SEC11C: variants seen among roughly 807,000 people sequenced by gnomAD.
The protein encoded by SEC11C is SEC11 homolog C, signal peptidase complex subunit.
Under a neutral mutation model 21.9 loss-of-function variants are expected in SEC11C, and 10 were observed. The observed-to-expected ratio is 0.46, with a 90% CI of 0.28 to 0.77. The LOEUF is 0.77. Ranked by LOEUF, SEC11C falls within the 30% of genes least tolerant of loss-of-function variation. The pLI is 0.12. For synonymous variants in SEC11C, 83 were observed against 85.6 expected (o/e 0.97, Z 0.17); for missense variants, 145 against 244.5 (o/e 0.59, Z 2.71).
chr18:59,145,186 T>C (rs945769014), intron 1 of SEC11C, among the ~76,000 whole-genome samples: 4 of 152,202 alleles, frequency 2.6e-5, no homozygotes, highest in Admixed American at 2.0e-4. Flanking sequence ...AGAGTGGAGA[T>C]TGGCAAACCC....
Position 59,140,047 on chromosome 18 carries a change from G to C in SEC11C, c.87+12G>C. ...TGAACAAGCGCCAGGTGACGGAGGA[G>C]GGTGGTGAGCGCGCCGTGGCCGGGA... On this transcript the variant is annotated intron_variant, in intron 1 of 5. Coordinates refer to ENST00000587834, the MANE Select transcript of SEC11C (RefSeq NM_033280.4). 6.4e-7 allele frequency: 1 copy of C among 1,571,208 alleles called. No homozygotes were observed. Among genetic ancestry groups the C allele is most frequent in the Non-Finnish European group, 8.7e-7 (1 of 1,153,664 alleles).
chr18:59,144,155 C>G (rs1339213585), intron 1 of SEC11C, among the ~76,000 whole-genome samples: 3 of 152,122 alleles, frequency 2.0e-5, no homozygotes, highest in African/African-American at 7.2e-5. Flanking sequence ...TGCACCTGGC[C>G]CCACTTTCTA....
chr18:59,149,687 G>A (rs989378366), intron 2 of SEC11C, 65 bp downstream of exon 2: 47 of 979,898 alleles, frequency 4.8e-5, no homozygotes, highest in Admixed American at 1.1e-4. Context: ...GGCCTGAGGA[G>A]CGGGGCAGCC....
chr18:59,149,844 A>C (rs1195075914), intron 2 of SEC11C, among the ~76,000 whole-genome samples: 3 of 152,172 alleles, frequency 2.0e-5, no homozygotes, highest in Admixed American at 6.5e-5. Context: ...TTAGAGCTTT[A>C]ACCATGTTGA....
intron 5 of SEC11C, among the ~76,000 whole-genome samples, 182 bp from the exon 6 acceptor site, chr18:59,158,450 T>A (rs1048682338): frequency 2.6e-5 from 4 of 152,190 alleles, no homozygotes; most frequent in African/African-American, 9.7e-5. Flanking sequence ...ATCAGTATAT[T>A]TTTGGGTTTT....
At chr18:59,150,898 C>T (rs2069342844) in intron 2 of SEC11C, among the ~76,000 whole-genome samples, 1 of 151,114 alleles carries the variant, frequency 6.6e-6, no homozygotes, top group African/African-American at 2.5e-5. Context: ...ATTTCCTGGC[C>T]CTCCTCAAAT....
chr18:59,152,200 T>C (rs1307457539), intron 2 of SEC11C, among the ~76,000 whole-genome samples: 1 of 141,370 alleles, frequency 7.1e-6, no homozygotes, highest in African/African-American at 2.9e-5. Flanking sequence ...CAGCCTGCAG[T>C]TCTGGAGGAA....
At chr18:59,154,415 A>G (rs1383892404) in intron 3 of SEC11C, among the ~76,000 whole-genome samples, 1 of 152,000 alleles carries the variant, frequency 6.6e-6, no homozygotes, top group Non-Finnish European at 1.5e-5. Flanking sequence ...TTCTTTTTTC[A>G]TCTGTCTTAC....
At chr18:59,157,396 G>A in intron 4 of SEC11C, 1 of 458,358 alleles carries the variant, frequency 2.2e-6, no homozygotes, top group South Asian at 4.0e-5. Flanking sequence ...CAACCCAAGT[G>A]CCTACTTAGA....
intron 1 of SEC11C, among the ~76,000 whole-genome samples, chr18:59,144,154 C>T (rs1298152136): frequency 6.6e-6 from 1 of 152,148 alleles, no homozygotes; most frequent in Non-Finnish European, 1.5e-5. Flanking sequence ...CTGCACCTGG[C>T]CCCACTTTCT....
chr18:59,156,029 A>C, intron 4 of SEC11C: 1 of 423,752 alleles, frequency 2.4e-6, no homozygotes, highest in Non-Finnish European at 4.2e-6. Flanking sequence ...ATGGGTTCAA[A>C]TCTGTTTCAA....
chr18:59,157,997 TCTCTA>T (rs2069437092), intron 5 of SEC11C, among the ~76,000 whole-genome samples: 1 of 152,148 alleles, frequency 6.6e-6, no homozygotes, highest in Non-Finnish European at 1.5e-5. Flanking sequence ...TCTCTCTCTC[TCTCTA>T]AATATATACA....
rs373100287 is a variant in SEC11C, at chr18:59,152,522, G to T, written c.198-14G>T. On this transcript the variant is annotated splice_polypyrimidine_tract_variant and intron_variant, in intron 2 of 5. Coordinates refer to ENST00000587834, the MANE Select transcript of SEC11C (RefSeq NM_033280.4). ...ACAGGGTAATGCTGATACTGACTTT[G>T]TGCTTCTTTCCAGTGGCAGTATGGA... 8.2e-6 allele frequency: 13 copies of T among 1,591,212 alleles called. No individual in the cohort carries two copies. In the East Asian group the frequency reaches 1.1e-4, roughly 14 times the overall value.
At chr18:59,147,241 C>G (rs1457171818) in intron 1 of SEC11C, 2 of 152,080 alleles carry the variant, frequency 1.3e-5, no homozygotes, top group Admixed American at 6.6e-5. Context: ...ACTCAATGCT[C>G]AAAAAGAGTT....
chr18:59,148,365 C>T (rs1272152549), intron 1 of SEC11C, among the ~76,000 whole-genome samples: 3 of 152,226 alleles, frequency 2.0e-5, no homozygotes, highest in Non-Finnish European at 4.4e-5. Flanking sequence ...AGGTCAGCTC[C>T]AGCCTGACAA....
chr18:59,153,654 G>A (rs951042511), intron 3 of SEC11C, among the ~76,000 whole-genome samples: 9 of 151,774 alleles, frequency 5.9e-5, no homozygotes, highest in African/African-American at 1.7e-4. Context: ...GGGTTCAAGC[G>A]ATTCTTCTGC....
intron 1 of SEC11C, among the ~76,000 whole-genome samples, chr18:59,140,945 G>T (rs2069203131): frequency 6.6e-6 from 1 of 152,172 alleles, no homozygotes; most frequent in Non-Finnish European, 1.5e-5. Context: ...TATCACGGTG[G>T]ATACTAATGC....
intron 2 of SEC11C, among the ~76,000 whole-genome samples, chr18:59,150,632 T>G (rs1211493125): frequency 6.6e-6 from 1 of 152,196 alleles, no homozygotes; most frequent in Non-Finnish European, 1.5e-5. Context: ...GGAAGCACAC[T>G]CATGGATTCA....
intron 3 of SEC11C, 59 bp from the exon 4 acceptor site, chr18:59,155,629 T>G: frequency 6.4e-7 from 1 of 1,568,518 alleles, no homozygotes; most frequent in Non-Finnish European, 8.7e-7. Flanking sequence ...AAACTAATAT[T>G]TTTGTTAATG....
Sources: allele counts gnomAD v4.1 joint callset (sites outside exome capture counted in the v4.1 genomes callset), GRCh38; gene constraint gnomAD v4.1.1; transcripts MANE v1.5; gene names NCBI Gene and HGNC (gene_info 2026-07-23, HGNC 2026-07-21).